PCID2: variants seen among roughly 807,000 people sequenced by gnomAD.
The protein encoded by PCID2 is PCI domain containing 2, also known as PCI domain-containing protein 2.
A neutral mutation model predicts 61.3 loss-of-function variants in PCID2; 41 were observed. That is an observed-to-expected ratio of 0.67 (90% CI 0.52 to 0.87). The LOEUF is 0.87. Ranked by LOEUF, PCID2 falls within the 40% of genes least tolerant of loss-of-function variation. The pLI, the probability that PCID2 is intolerant of heterozygous loss-of-function variation, is 0.00. For missense variants in PCID2, 392 were observed against 493.4 expected (o/e 0.79, Z 1.95); for synonymous variants, 187 against 177.8 (o/e 1.05, Z -0.41).
rs1028224148 is a variant in PCID2 at position 113,179,988 on chromosome 13, G to A, written c.915C>T (p.Phe305=). 4 of 1,614,108 alleles carry A rather than the reference G, an allele frequency of 2.5e-6. No individual in the cohort carries two copies. In the African/African-American group the frequency reaches 4.0e-5, roughly 16 times the overall value. The change falls in exon 12 of 14, where the codon TTC becomes TTT. Residue 305 remains phenylalanine, a synonymous_variant. Coordinates refer to ENST00000337344, the MANE Select transcript of PCID2 (RefSeq NM_001127202.4). The surrounding 1 kb of genome is among the most constrained non-coding windows in gnomAD (Gnocchi z 4.3). ...HEALAKHEAF[F]IRCGIFLILE... ...GGATGAGGAAGATTCCGCAGCGAAT[G>A]AAGAAGGCCTCGTGCTTCGCCAGCG... is the stretch of plus-strand genomic sequence containing the variant.
rs780931516 is a variant in PCID2, at chr13:113,208,562, C to T, written c.36+37G>A. ...GGGACACACGGAACACGCCGAGGGC[C>T]AACCACGCCGCCGCGCGCTCCCCGG... is the stretch of plus-strand genomic sequence containing the variant. On this transcript the variant is annotated intron_variant, in intron 1 of 13. Coordinates refer to ENST00000337344, the MANE Select transcript of PCID2 (RefSeq NM_001127202.4). 5.6e-6 allele frequency: 9 copies of T among 1,602,416 alleles called. No homozygotes were observed. In the East Asian group the frequency reaches 1.4e-4, roughly 24 times the overall value.
intron 6 of PCID2, among the ~76,000 whole-genome samples, chr13:113,191,872 C>G (rs994695185): frequency 2.0e-5 from 3 of 152,224 alleles, no homozygotes; most frequent in Non-Finnish European, 4.4e-5. Flanking sequence ...CGGCACCAAA[C>G]TACGCAAGTA....
chr13:113,190,739 C>T (rs2038542514), intron 7 of PCID2, 133 bp downstream of exon 7: 2 of 470,954 alleles, frequency 4.2e-6, no homozygotes, highest in South Asian at 1.1e-4. Flanking sequence ...GCAAAAATAA[C>T]AATGGTTGTG....
chr13:113,208,432 G>C lies in PCID2; in HGVS notation c.36+167C>G, dbSNP rs1004054500. 27 of 1,502,684 alleles carry C rather than the reference G, an allele frequency of 1.8e-5. No homozygotes were observed. In the Admixed American group the frequency reaches 5.3e-4, roughly 30 times the overall value. 93.1% of individuals were successfully genotyped at this position (1,502,684 alleles called of 1,614,324 possible). ...GGGAGAACTCGGGCCGCCTTCCCGA[G>C]TCCCGGCCGCCGCTGTTCGGCTCGC... is the stretch of plus-strand genomic sequence containing the variant. On this transcript the variant is annotated intron_variant, in intron 1 of 13. Transcript: ENST00000337344.
chr13:113,168,696 A>G, the PCID2 span, among the ~76,000 whole-genome samples: 2 of 152,200 alleles, frequency 1.3e-5, no homozygotes, highest in Admixed American at 1.3e-4. Flanking sequence ...TTTGTGGGCT[A>G]ATATCGCTTG....
chr13:113,205,792 G>A (rs992409501), intron 1 of PCID2, among the ~76,000 whole-genome samples: 1 of 152,178 alleles, frequency 6.6e-6, no homozygotes. Flanking sequence ...GCACATTAGC[G>A]GTTGACAAGC....
Position 113,179,793 on chromosome 13 carries a change from A to G in PCID2, c.986+124T>C. On this transcript the variant is annotated intron_variant, in intron 12 of 13. Coordinates refer to ENST00000337344, the MANE Select transcript of PCID2 (RefSeq NM_001127202.4). This position sits in a 1 kb window ranked among gnomAD's most constrained non-coding sequence, Gnocchi z 4.3. ...CGGAGGCTTCATTTTATCCCACACA[A>G]TGGAAGGAAGATAACGACCCCACCC... 1.1e-6 allele frequency: 1 copy of G among 943,588 alleles called. No homozygotes were observed. 58.5% of individuals were successfully genotyped at this position (943,588 alleles called of 1,614,324 possible). A position where few individuals can be genotyped will look rare whatever the true frequency, so the allele number is the denominator to read the frequency against.
intron 7 of PCID2, among the ~76,000 whole-genome samples, chr13:113,189,949 G>C (rs917864538): frequency 2.0e-5 from 3 of 151,900 alleles, no homozygotes; most frequent in Non-Finnish European, 2.9e-5. Context: ...CTTGAACCCA[G>C]GAGGCGGAGG....
In PCID2 at chr13:113,181,170, C is replaced by T; in HGVS notation, c.746G>A (p.Arg249Lys). 3 of 1,613,114 alleles carry T rather than the reference C, an allele frequency of 1.9e-6. No individual in the cohort carries two copies. The highest frequency in any genetic ancestry group is 2.5e-6 in the Non-Finnish European group (3 of 1,179,098). ...TGGAAGCAAATAGATCAGAATCATC[C>T]TTTTGTTCTTCTGACTAGAACGGTG... ...HCHRSSQKNK[R>K]MILIYLLPVK... Residue 249 changes from arginine (R) to lysine (K), a missense_variant, in exon 10 of 14, where the codon AGG (arginine) becomes AAG (lysine). Physicochemically the swap from Arg to Lys is conservative, Grantham distance 26. Around this residue, in one of 3 missense-constraint regions of PCID2, gnomAD observed 226 missense variants for 296.5 expected, o/e 0.76. Coordinates refer to ENST00000337344, the MANE Select transcript of PCID2 (RefSeq NM_001127202.4).
chr13:113,208,287 T>C, intron 1 of PCID2: 1 of 1,433,000 alleles, frequency 7.0e-7, no homozygotes, highest in South Asian at 1.5e-5. Context: ...TCGGACCGCC[T>C]GGGAGCGCGG....
At chr13:113,167,027 A>G in the PCID2 span, among the ~76,000 whole-genome samples, 1 of 152,238 alleles carries the variant, frequency 6.6e-6, no homozygotes, top group Non-Finnish European at 1.5e-5. Context: ...CTTCAGTATT[A>G]TAAATTGTTC....
At chr13:113,202,355 A>G (rs114248818) in intron 1 of PCID2, among the ~76,000 whole-genome samples, 2,499 of 152,310 alleles carry the variant, frequency 0.016, 76 homozygotes, top group African/African-American at 0.057. Flanking sequence ...TATTCCATAC[A>G]ACTACACATG....
At chr13:113,189,742 G>A (rs1264909933) in intron 7 of PCID2, among the ~76,000 whole-genome samples, 3 of 150,422 alleles carry the variant, frequency 2.0e-5, no homozygotes, top group Non-Finnish European at 4.4e-5. Flanking sequence ...AAGGATTGAG[G>A]TCAGGTGCAG....
At chr13:113,175,938 G>A (rs2037178067), downstream of PCID2, among the ~76,000 whole-genome samples, 1 of 152,268 alleles carries the variant, frequency 6.6e-6, no homozygotes, top group Non-Finnish European at 1.5e-5. Context: ...CTGAGCTCCA[G>A]GTGAGAGCCC....
At chr13:113,206,588 A>T (rs1308466107) in intron 1 of PCID2, among the ~76,000 whole-genome samples, 1 of 152,240 alleles carries the variant, frequency 6.6e-6, no homozygotes, top group Non-Finnish European at 1.5e-5. Flanking sequence ...TGACATTGGC[A>T]CTTATGTTCC....
intron 10 of PCID2, 59 bp from the exon 11 acceptor site, chr13:113,180,290 A>ATG: frequency 1.6e-6 from 2 of 1,273,354 alleles, no homozygotes; most frequent in South Asian, 1.2e-5. Flanking sequence ...TGTCCTTGAT[A>ATG]AATATTCATA....
At chr13:113,205,125 A>G (rs1358170337) in intron 1 of PCID2, among the ~76,000 whole-genome samples, 1 of 152,214 alleles carries the variant, frequency 6.6e-6, no homozygotes, top group African/African-American at 2.4e-5. Context: ...TGAATAGTCA[A>G]ACTTTCCAAT....
chr13:113,195,192 G>C (rs2038922550), intron 5 of PCID2, 67 bp from the exon 6 acceptor site: 18 of 927,802 alleles, frequency 1.9e-5, no homozygotes, highest in African/African-American at 3.2e-5. Context: ...CCAGAGGTGG[G>C]AAGAACACGG....
Position 113,185,480 on chromosome 13 carries a change from C to T in PCID2, c.543+5G>A. On this transcript the variant is annotated splice_donor_5th_base_variant and intron_variant, in intron 8 of 13. Coordinates refer to ENST00000337344, the MANE Select transcript of PCID2 (RefSeq NM_001127202.4). ...AAGACAGAAAGGATTCAAACAGAAG[C>T]ACACCTTGAAGTAGATTTTAAACAG... 1.2e-6 allele frequency: 2 copies of T among 1,602,892 alleles called. No individual in the cohort carries two copies. The highest frequency in any genetic ancestry group is 1.7e-6 in the Non-Finnish European group (2 of 1,169,980).
Sources: gnomAD v4.1 joint callset for allele counts (sites outside exome capture counted in the v4.1 genomes callset) on GRCh38, gnomAD v4.1.1 for gene constraint, gnomAD v4.1.1 regional missense constraint, Gnocchi (gnomAD v3.1) non-coding constraint, MANE v1.5 for transcripts, NCBI Gene and HGNC (gene_info 2026-07-23, HGNC 2026-07-21) for gene names.